KHDRBS2: variants seen among roughly 807,000 people sequenced by gnomAD.
The protein encoded by KHDRBS2 is KH RNA binding domain containing, signal transduction associated 2, also known as KH domain-containing, RNA-binding, signal transduction-associated protein 2.
Under a neutral mutation model 44.3 loss-of-function variants are expected in KHDRBS2, and 26 were observed. That is an observed-to-expected ratio of 0.59 (90% CI 0.43 to 0.81). The LOEUF (loss-of-function observed/expected upper bound fraction) is 0.81, where lower values mean the gene tolerates loss of function less well. KHDRBS2 is among the 40% of genes least tolerant of loss of function. The pLI is 0.00. For missense variants in KHDRBS2, 476 were observed against 433.1 expected, an observed-to-expected ratio of 1.10 and a Z score of -0.88; for synonymous variants, 194 against 151.1, an observed-to-expected ratio of 1.28 and a Z score of -2.08.
chr6:61,604,852 T>C, the KHDRBS2 span, among the ~76,000 whole-genome samples: 3 of 152,184 alleles, frequency 2.0e-5, no homozygotes, highest in Non-Finnish European at 4.4e-5. Flanking sequence ...TGGTCATTTC[T>C]TCCCTTCTGT....
chr6:61,950,569 T>G (rs188930790), intron 4 of KHDRBS2, among the ~76,000 whole-genome samples: 2 of 152,048 alleles, frequency 1.3e-5, no homozygotes, highest in African/African-American at 2.4e-5. Flanking sequence ...ATATTTTCCA[T>G]GTAATTCTCT....
intron 2 of KHDRBS2, among the ~76,000 whole-genome samples, chr6:62,074,009 A>G (rs1313252290): frequency 3.3e-5 from 5 of 151,778 alleles, no homozygotes; most frequent in Non-Finnish European, 7.4e-5. Context: ...GCTCTGTAAT[A>G]TGGATCACAA....
chr6:61,927,966 C>G (rs1184296231), intron 4 of KHDRBS2, among the ~76,000 whole-genome samples: 6 of 152,122 alleles, frequency 3.9e-5, no homozygotes, highest in African/African-American at 1.4e-4. Context: ...AGTGACCTCA[C>G]TGAGCTCTGC....
intron 2 of KHDRBS2, among the ~76,000 whole-genome samples, chr6:62,055,065 A>G (rs1367327814): frequency 6.6e-6 from 1 of 152,050 alleles, no homozygotes; most frequent in Admixed American, 6.6e-5. Context: ...AAATTTTCTA[A>G]TATTTTTAAA....
At chr6:61,947,813 C>T (rs1813670518) in intron 4 of KHDRBS2, among the ~76,000 whole-genome samples, 1 of 151,534 alleles carries the variant, frequency 6.6e-6, no homozygotes, top group Non-Finnish European at 1.5e-5. Context: ...GCCCTCATTT[C>T]AAAATCTTTG....
chr6:61,558,956 T>A, the KHDRBS2 span, among the ~76,000 whole-genome samples: 1 of 144,250 alleles, frequency 6.9e-6, no homozygotes, highest in South Asian at 2.2e-4. Context: ...GTAGATTAAG[T>A]GTGGTGTTTT....
chr6:61,586,505 C>T, the KHDRBS2 span, among the ~76,000 whole-genome samples: 3 of 152,144 alleles, frequency 2.0e-5, no homozygotes, highest in African/African-American at 7.2e-5. Flanking sequence ...GTGTCCAAGA[C>T]TTTTGTGTTA....
Position 61,944,065 on chromosome 6 carries a change from T to C in KHDRBS2, c.483+34001A>G, listed in dbSNP as rs192283995. ...AGAGGGAACACTTATACACTACTGG[T>C]AGGAATGTAAATTAGTACAACCACT... On this transcript the variant is annotated intron_variant, in intron 4 of 8. Transcript: ENST00000281156. Among the ~76,000 whole-genome samples, 9 of 152,208 alleles carry C rather than the reference T, an allele frequency of 5.9e-5. No homozygotes were observed. In the East Asian group the frequency reaches 1.7e-3, roughly 29 times the overall value.
intron 2 of KHDRBS2, among the ~76,000 whole-genome samples, chr6:62,135,564 A>G (rs1473568142): frequency 6.6e-6 from 1 of 152,138 alleles, no homozygotes; most frequent in African/African-American, 2.4e-5. Context: ...TCACCTCCAA[A>G]ACATATCTGC....
At chr6:61,581,579 C>T in the KHDRBS2 span, among the ~76,000 whole-genome samples, 11 of 145,064 alleles carry the variant, frequency 7.6e-5, no homozygotes, top group African/African-American at 2.2e-4. Flanking sequence ...ATATACAATA[C>T]ACAATATACA....
At chr6:61,647,895 G>A in the KHDRBS2 span, among the ~76,000 whole-genome samples, 1 of 151,994 alleles carries the variant, frequency 6.6e-6, no homozygotes, top group Admixed American at 6.6e-5. Context: ...AGTTAGTTTT[G>A]GTTTTCAATG....
At chr6:61,744,210 A>T (rs1156945099) in intron 6 of KHDRBS2, among the ~76,000 whole-genome samples, 1 of 152,128 alleles carries the variant, frequency 6.6e-6, no homozygotes, top group Non-Finnish European at 1.5e-5. Flanking sequence ...TCTTGGGTCA[A>T]AAACAAGGAC....
intron 3 of KHDRBS2, among the ~76,000 whole-genome samples, chr6:62,003,140 A>C (rs1036279075): frequency 6.6e-5 from 10 of 151,906 alleles, no homozygotes; most frequent in African/African-American, 2.4e-4. Flanking sequence ...TATCTTTCTT[A>C]ATAACACTGT....
At chr6:62,095,968 T>C (rs527523703) in intron 2 of KHDRBS2, among the ~76,000 whole-genome samples, 1 of 152,124 alleles carries the variant, frequency 6.6e-6, no homozygotes, top group East Asian at 1.9e-4. Flanking sequence ...ATTCATCTAT[T>C]CGGATGATCA....
intron 1 of KHDRBS2, among the ~76,000 whole-genome samples, chr6:62,237,198 G>C (rs1399611644): frequency 6.6e-6 from 1 of 152,032 alleles, no homozygotes. Context: ...GAAGATAGAG[G>C]CTCTAAAAGT....
chr6:61,689,452 G>C (rs1257153437), intron 8 of KHDRBS2, among the ~76,000 whole-genome samples: 1 of 151,934 alleles, frequency 6.6e-6, no homozygotes, highest in Non-Finnish European at 1.5e-5. Context: ...GTAGAATTTT[G>C]TGGAAATTTT....
intron 1 of KHDRBS2, among the ~76,000 whole-genome samples, chr6:62,279,475 A>C (rs576735193): frequency 2.6e-5 from 4 of 152,226 alleles, no homozygotes; most frequent in Non-Finnish European, 5.9e-5. Context: ...GGCCTTCTAC[A>C]TATAAGACTG....
chr6:61,946,511 T>G (rs1813402746), intron 4 of KHDRBS2, among the ~76,000 whole-genome samples: 1 of 152,072 alleles, frequency 6.6e-6, no homozygotes, highest in Non-Finnish European at 1.5e-5. Context: ...CAAACCTACT[T>G]TTTAAGTTAA....
chr6:61,749,494 G>T (rs1272394639), intron 6 of KHDRBS2, among the ~76,000 whole-genome samples: 1 of 152,150 alleles, frequency 6.6e-6, no homozygotes, highest in Non-Finnish European at 1.5e-5. Flanking sequence ...ATTTATAAAT[G>T]ATGTCAGTTT....
Sources: allele counts gnomAD v4.1 joint callset (sites outside exome capture counted in the v4.1 genomes callset), GRCh38; gene constraint gnomAD v4.1.1; transcripts MANE v1.5; gene names NCBI Gene and HGNC (gene_info 2026-07-23, HGNC 2026-07-21).